COL11A1: variants seen among roughly 807,000 people sequenced by gnomAD.
COL11A1 encodes the protein collagen type XI alpha 1 chain.
In COL11A1, 74 loss-of-function variants were observed where a neutral mutation model predicts 265.2. That is an observed-to-expected ratio of 0.28 (90% CI 0.23 to 0.34). COL11A1 has a LOEUF of 0.34. COL11A1 is among the 10% of genes least tolerant of loss of function. The pLI, the probability that COL11A1 is intolerant of heterozygous loss-of-function variation, is 1.00. For synonymous variants in COL11A1, 816 were observed against 727.6 expected, an observed-to-expected ratio of 1.12 and a Z score of -1.96; for missense variants, 2,165 against 2,263.6, an observed-to-expected ratio of 0.96 and a Z score of 0.88.
intron 8 of COL11A1, 107 bp from the exon 9 acceptor site, chr1:103,021,876 C>T: frequency 4.6e-6 from 4 of 871,988 alleles, no homozygotes; most frequent in South Asian, 4.3e-5. Context: ...AAGACGGAGT[C>T]TCCCTCTGTT....
rs145799580 is a variant in COL11A1, at chr1:103,050,829, G to A, written c.652-19585C>T. Among the ~76,000 whole-genome samples, 89 of 152,240 alleles carry A rather than the reference G, an allele frequency of 5.8e-4. 1 individual carries two copies. The East Asian group carries it at 0.011, about 19-fold the overall frequency. ...AGTTTTCCTTCTAACAGACAGGTCC[G>A]TCAGCTGCAGGTCTGTTGGAGTTTG... On this transcript the variant is annotated intron_variant, in intron 4 of 66. Coordinates refer to ENST00000370096, the MANE Select transcript of COL11A1 (RefSeq NM_001854.4).
chr1:102,975,688 C>T (rs1161982348), intron 35 of COL11A1, among the ~76,000 whole-genome samples: 1 of 152,004 alleles, frequency 6.6e-6, no homozygotes, highest in Non-Finnish European at 1.5e-5. Flanking sequence ...GTAATAGTTA[C>T]ATTTATTTAA....
chr1:102,970,896 C>T (rs1006924290), intron 36 of COL11A1, among the ~76,000 whole-genome samples: 2 of 152,034 alleles, frequency 1.3e-5, no homozygotes, highest in Non-Finnish European at 2.9e-5. Flanking sequence ...CGCCTGTAGT[C>T]GCAGCTACTC....
At chr1:103,057,755 G>C (rs78811322) in intron 4 of COL11A1, among the ~76,000 whole-genome samples, 1 of 152,006 alleles carries the variant, frequency 6.6e-6, no homozygotes, top group Admixed American at 6.6e-5. Context: ...TTTTTTCTCA[G>C]CAGTAGGTCA....
chr1:103,000,679 C>T (rs972450208), intron 24 of COL11A1, among the ~76,000 whole-genome samples: 5 of 151,702 alleles, frequency 3.3e-5, no homozygotes, highest in South Asian at 2.1e-4. Context: ...ATGGTACAAT[C>T]GATATGGAAA....
At chr1:102,896,398 T>C (rs1652432485) in intron 57 of COL11A1, among the ~76,000 whole-genome samples, 1 of 152,198 alleles carries the variant, frequency 6.6e-6, no homozygotes, top group South Asian at 2.1e-4. Context: ...GAAAGGCTCA[T>C]TAAATTGCCA....
At chr1:102,976,197 A>C (rs563261026) in intron 35 of COL11A1, among the ~76,000 whole-genome samples, 1 of 151,802 alleles carries the variant, frequency 6.6e-6, no homozygotes, top group Non-Finnish European at 1.5e-5. Flanking sequence ...ATTTGAATTT[A>C]AAATCTTTTA....
intron 4 of COL11A1, among the ~76,000 whole-genome samples, chr1:103,059,724 A>T (rs1166289304): frequency 6.6e-6 from 1 of 152,178 alleles, no homozygotes; most frequent in Admixed American, 6.5e-5. Context: ...CCATAATTGA[A>T]ATGAAGCATA....
At chr1:102,919,345 C>T (rs1056898055) in intron 49 of COL11A1, among the ~76,000 whole-genome samples, 11 of 151,616 alleles carry the variant, frequency 7.3e-5, no homozygotes, top group Non-Finnish European at 1.2e-4. Context: ...AATATAATAA[C>T]AATCTAATCT....
chr1:102,915,977 G>A (rs1360206241), intron 49 of COL11A1, among the ~76,000 whole-genome samples: 1 of 152,064 alleles, frequency 6.6e-6, no homozygotes, highest in Admixed American at 6.5e-5. Flanking sequence ...ACATATGCAT[G>A]TTTCCTAAAA....
chr1:102,963,024 A>G (rs2101578964), intron 38 of COL11A1, among the ~76,000 whole-genome samples: 1 of 152,316 alleles, frequency 6.6e-6, no homozygotes, highest in East Asian at 1.9e-4. Flanking sequence ...TTTGCTTAAT[A>G]CAATAATTTC....
intron 1 of COL11A1, among the ~76,000 whole-genome samples, chr1:103,090,308 G>A (rs1673216487): frequency 6.6e-6 from 1 of 152,006 alleles, no homozygotes; most frequent in Non-Finnish European, 1.5e-5. Flanking sequence ...TAATACAGAA[G>A]AAAGTTCTCA....
At chr1:102,889,103 G>C (rs1362663408) in intron 59 of COL11A1, among the ~76,000 whole-genome samples, 184 bp from the exon 60 acceptor site, 1 of 151,964 alleles carries the variant, frequency 6.6e-6, no homozygotes, top group African/African-American at 2.4e-5. Context: ...AAATAATCAG[G>C]ATTTTTCCTA....
intron 54 of COL11A1, among the ~76,000 whole-genome samples, chr1:102,909,549 T>C (rs1458396088): frequency 2.0e-5 from 3 of 152,106 alleles, no homozygotes; most frequent in African/African-American, 4.8e-5. Flanking sequence ...TTATTATAAC[T>C]GATTATTTCT....
chr1:103,044,906 T>C (rs1349139656), intron 4 of COL11A1, among the ~76,000 whole-genome samples: 1 of 152,022 alleles, frequency 6.6e-6, no homozygotes, highest in Non-Finnish European at 1.5e-5. Context: ...AGCGAATATA[T>C]GTCAGAAAGT....
chr1:102,914,205 T>A (rs1655035234), intron 52 of COL11A1, 147 bp downstream of exon 52: 1 of 692,246 alleles, frequency 1.4e-6, no homozygotes, highest in Non-Finnish European at 2.5e-6. Flanking sequence ...TGGATTTTCC[T>A]GCATTTGCAA....
intron 28 of COL11A1, among the ~76,000 whole-genome samples, chr1:102,992,712 T>C (rs1446992842): frequency 6.6e-6 from 1 of 152,068 alleles, no homozygotes; most frequent in East Asian, 1.9e-4. Context: ...TACTACTTGA[T>C]TGGTATATTA....
chr1:103,070,209 A>AAATAATAAT (rs140020554), intron 4 of COL11A1, among the ~76,000 whole-genome samples: 9,523 of 143,328 alleles, frequency 0.066, 423 homozygotes, highest in Middle Eastern at 0.094. Context: ...CTACTCAGCA[A>AAATAATAAT]AATAATAATA....
chr1:102,958,208 A>G (rs1660556008), intron 41 of COL11A1, among the ~76,000 whole-genome samples: 1 of 152,034 alleles, frequency 6.6e-6, no homozygotes, highest in African/African-American at 2.4e-5. Context: ...GAATTTTATC[A>G]TTTCTCACCA....
Sources: gnomAD v4.1 joint callset for allele counts (sites outside exome capture counted in the v4.1 genomes callset) on GRCh38, gnomAD v4.1.1 for gene constraint, MANE v1.5 for transcripts, NCBI Gene and HGNC (gene_info 2026-07-23, HGNC 2026-07-21) for gene names.